The following LATS1 variants were observed in gnomAD, a reference collection of about 807,000 sequenced individuals.
The protein encoded by LATS1 is serine/threonine-protein kinase LATS1.
LATS1 carries 25 observed loss-of-function variants against 106.6 expected under a neutral mutation model. The observed-to-expected ratio is 0.23, with a 90% confidence interval of 0.17 to 0.33. The LOEUF is 0.33. LATS1 is among the 10% of genes least tolerant of loss of function. The probability of loss-of-function intolerance (pLI) is 1.00; values close to 1 mark genes in which losing one functional copy is unlikely to be tolerated. For synonymous variants in LATS1, 465 were observed against 455.6 expected, an observed-to-expected ratio of 1.02 and a Z score of -0.26; for missense variants, 1,040 against 1,382.6, an observed-to-expected ratio of 0.75 and a Z score of 3.93.
At chr6:149,700,398 G>A (rs1009433869) in intron 2 of LATS1, among the ~76,000 whole-genome samples, 7 of 152,052 alleles carry the variant, frequency 4.6e-5, no homozygotes, top group East Asian at 3.9e-4. Context: ...GCTTGAACCC[G>A]GGAGGCAGAG....
Position 149,665,255 on chromosome 6 carries a change from G to A in LATS1, c.2884-3017C>T, listed in dbSNP as rs546411099. 7.9e-5 allele frequency among the ~76,000 whole-genome samples: 12 copies of A among 152,218 alleles called. No individual in the cohort carries two copies. The East Asian group carries it at 1.9e-3, about 24-fold the overall frequency. On this transcript the variant is annotated intron_variant, in intron 7 of 7. Transcript: ENST00000543571. Reference sequence around the variant, plus strand: ...GCATACCTGTAATCCCAGCTACTCCGGGAGGCTGAGGCAGGAGAATCACTT... The same window carrying A: ...GCATACCTGTAATCCCAGCTACTCCAGGAGGCTGAGGCAGGAGAATCACTT...
chr6:149,715,228 C>T (rs895008552), intron 1 of LATS1, among the ~76,000 whole-genome samples: 16 of 151,996 alleles, frequency 1.1e-4, no homozygotes, highest in African/African-American at 2.9e-4. Context: ...GCTACCACAC[C>T]GAGCTAATTT....
Position 149,695,456 on chromosome 6 carries a change from T to C in LATS1, c.349-235A>G, listed in dbSNP as rs1475016357. ...TGGGAGGCCGAGGTGGTCAGATCAC[T>C]TAAGACCAGGAGTTCAAGACCAGCC... On this transcript the variant is annotated intron_variant, in intron 2 of 7. Transcript: ENST00000543571. Among the ~76,000 whole-genome samples, 4 of 152,236 alleles carry C rather than the reference T, an allele frequency of 2.6e-5. No homozygotes were observed. In the East Asian group the frequency reaches 7.7e-4, roughly 29 times the overall value.
chr6:149,679,549 CAAA>C (rs57395928), intron 5 of LATS1, among the ~76,000 whole-genome samples: 10 of 66,162 alleles, frequency 1.5e-4, no homozygotes, highest in Admixed American at 1.9e-4. Flanking sequence ...GAGACTCCAT[CAAA>C]AAAAAAAAAA....
intron 1 of LATS1, among the ~76,000 whole-genome samples, chr6:149,707,011 C>CT (rs745424840): frequency 0.39 from 42,823 of 110,432 alleles, 10,186 homozygotes; most frequent in East Asian, 0.79. Flanking sequence ...CTGGACATCT[C>CT]TTTTTTTTTT....
At position 149,683,333 on chromosome 6, in the gene LATS1, T is replaced by G; in HGVS notation, c.1756A>C (p.Ser586Arg). Reference sequence around the variant, plus strand: ...TCACTCTCATCTTCCTTGGGCAAGCTTGGCTGATCCTCTTTGCTAGGCTTA... The same window carrying G: ...TCACTCTCATCTTCCTTGGGCAAGCGTGGCTGATCCTCTTTGCTAGGCTTA... ...ISKPSKEDQP[S>R]LPKEDESEKS... Residue 586 changes from serine to arginine, a missense_variant, in exon 4 of 8, where the codon AGC (serine) becomes CGC (arginine). Ser to Arg is a moderately radical substitution (Grantham distance 110, BLOSUM62 -1). Around this residue, in one of 7 missense-constraint regions of LATS1, gnomAD observed 167 missense variants for 332.1 expected, o/e 0.50. Coordinates refer to ENST00000543571, the MANE Select transcript of LATS1 (RefSeq NM_004690.4). 1 of 1,614,252 alleles carries G rather than the reference T, an allele frequency of 6.2e-7. No homozygotes were observed. Among genetic ancestry groups the G allele is most frequent in the Non-Finnish European group, 8.5e-7 (1 of 1,180,046 alleles).
At chr6:149,676,215 T>C (rs749997599) in intron 7 of LATS1, 45 bp downstream of exon 7, 1 of 1,289,164 alleles carries the variant, frequency 7.8e-7, no homozygotes, top group Non-Finnish European at 1.1e-6. Context: ...GTCAATGATG[T>C]AGCAACTTTG....
Position 149,662,981 on chromosome 6 carries a change from A to G in LATS1, c.2884-743T>C, listed in dbSNP as rs35799064. ...ACACTGTCTCCAAAAAAAAAAAAAA[A>G]AAAAAAGAAAAATCTCTGGTTATGA... On this transcript the variant is annotated intron_variant, in intron 7 of 7. Transcript: ENST00000543571. Among the ~76,000 whole-genome samples, 398 of 128,596 alleles carry G rather than the reference A, an allele frequency of 3.1e-3. 4 individuals carry two copies. The highest frequency in any genetic ancestry group is 0.011 in the African/African-American group (367 of 34,828). The allele number at this position is 128,596 out of a possible 152,430, so 84.4% of individuals were successfully genotyped here.
At chr6:149,693,324 C>G (rs1475687992) in intron 3 of LATS1, among the ~76,000 whole-genome samples, 1 of 147,914 alleles carries the variant, frequency 6.8e-6, no homozygotes, top group South Asian at 2.1e-4. Context: ...TGAAAAATAA[C>G]CAATAGGCCA....
At chr6:149,685,629 G>A (rs897156585) in intron 3 of LATS1, among the ~76,000 whole-genome samples, 7 of 152,100 alleles carry the variant, frequency 4.6e-5, no homozygotes, top group Admixed American at 2.6e-4. Context: ...CAAGTGATCT[G>A]CCCTCCTAAG....
chr6:149,706,679 AAGG>A (rs1458817421), intron 1 of LATS1, among the ~76,000 whole-genome samples: 1 of 152,180 alleles, frequency 6.6e-6, no homozygotes, highest in Non-Finnish European at 1.5e-5. Flanking sequence ...TGAGAGGCAG[AAGG>A]AGGTCTGATT....
intron 2 of LATS1, among the ~76,000 whole-genome samples, chr6:149,698,555 T>C (rs1783244606): frequency 6.7e-6 from 1 of 149,336 alleles, no homozygotes; most frequent in African/African-American, 2.4e-5. Flanking sequence ...CAGAAGTCTT[T>C]TTTTTTTTTT....
chr6:149,706,551 TTGTAAA>T (rs1783783996), intron 1 of LATS1, among the ~76,000 whole-genome samples: 1 of 152,256 alleles, frequency 6.6e-6, no homozygotes, highest in East Asian at 1.9e-4. Context: ...TCTCTGGAAC[TTGTAAA>T]TGTTATCTTA....
chr6:149,677,851 C>G (rs927241508), intron 5 of LATS1, among the ~76,000 whole-genome samples: 6 of 152,042 alleles, frequency 3.9e-5, no homozygotes, highest in Non-Finnish European at 8.8e-5. Flanking sequence ...GAAACCCCAT[C>G]TCTACTAAAA....
Position 149,660,438 on chromosome 6 carries a change from A to C in LATS1, c.*1291T>G. ...GAAAATCACTAAAATTATGCCTCCA[A>C]TCTACAAATAGTAACTTTTGATAAA... On this transcript the variant is annotated 3_prime_UTR_variant, in exon 8 of 8. Coordinates refer to ENST00000543571, the MANE Select transcript of LATS1 (RefSeq NM_004690.4). The C allele has an allele frequency of 4.3e-6, 1 of 233,096 alleles. No individual in the cohort carries two copies. Among genetic ancestry groups the C allele is most frequent in the Non-Finnish European group, 8.5e-6 (1 of 117,972 alleles). 14.4% of individuals were successfully genotyped at this position (233,096 alleles called of 1,614,324 possible).
rs143526492 is a variant in LATS1, at chr6:149,715,157, C to T, written c.-141+2692G>A. Among the ~76,000 whole-genome samples the T allele has an allele frequency of 7.9e-4, 120 of 152,224 alleles. 1 individual carries two copies. The highest frequency in any genetic ancestry group is 2.7e-3 in the African/African-American group (111 of 41,532). ...CATCTCAGCTCACTGCAACCTCCGT[C>T]TCTCGGGTTCAAGTGATTCTCCTGC... is the stretch of plus-strand genomic sequence containing the variant. On this transcript the variant is annotated intron_variant, in intron 1 of 7. Coordinates refer to ENST00000543571, the MANE Select transcript of LATS1 (RefSeq NM_004690.4).
In LATS1 at chr6:149,700,207, G is replaced by A. The variant is rs980439124; in HGVS notation, c.348+1572C>T. Among the ~76,000 whole-genome samples, 7 of 152,220 alleles carry A rather than the reference G, an allele frequency of 4.6e-5. No individual in the cohort carries two copies. The South Asian group carries it at 1.2e-3, about 27-fold the overall frequency. ...TTTCTTATTTTCAGCTGGGTGTGGT[G>A]GCTCATGCCTGTAATCCCAGCACTT... On this transcript the variant is annotated intron_variant, in intron 2 of 7. Coordinates refer to ENST00000543571, the MANE Select transcript of LATS1 (RefSeq NM_004690.4).
At chr6:149,715,584 C>T (rs1784337292) in intron 1 of LATS1, among the ~76,000 whole-genome samples, 1 of 152,000 alleles carries the variant, frequency 6.6e-6, no homozygotes, top group Non-Finnish European at 1.5e-5. Flanking sequence ...ATATTCCTTG[C>T]ACATAACGAA....
intron 1 of LATS1, among the ~76,000 whole-genome samples, chr6:149,705,074 C>T (rs2114979178): frequency 6.6e-6 from 1 of 151,238 alleles, no homozygotes; most frequent in African/African-American, 2.4e-5. Flanking sequence ...AAGCAGCTCA[C>T]ATTTCTCCAC....
Sources: allele counts gnomAD v4.1 joint callset (sites outside exome capture counted in the v4.1 genomes callset), GRCh38; gene constraint gnomAD v4.1.1; regional missense constraint gnomAD v4.1.1; transcripts MANE v1.5; gene names NCBI Gene and HGNC (gene_info 2026-07-23, HGNC 2026-07-21).